The following DICER1 variants were observed in gnomAD, a reference collection of about 807,000 sequenced individuals.
DICER1 encodes endoribonuclease Dicer.
A neutral mutation model predicts 194.1 loss-of-function variants in DICER1; 43 were observed. That is an observed-to-expected ratio of 0.22 (90% CI 0.17 to 0.29). The LOEUF (loss-of-function observed/expected upper bound fraction) is 0.29. Ranked by LOEUF, DICER1 falls within the 10% of genes least tolerant of loss-of-function variation. The pLI is 1.00. For missense variants in DICER1, 1,608 were observed against 2,317.0 expected (o/e 0.69, Z 6.28); for synonymous variants, 832 against 820.5 (o/e 1.01, Z -0.24).
In DICER1 at chr14:95,089,462, C is replaced by T. The variant is rs1462998589; in HGVS notation, c.*1036G>A. On this transcript the variant is annotated 3_prime_UTR_variant, in exon 27 of 27. Transcript: ENST00000343455. The stretch of plus-strand genomic sequence containing the variant: ...AACCAATCAATTATAAAATCTGCAG[C>T]ATATTTTAGGTGTGATATGTCTAAG... The T allele has an allele frequency of 4.3e-6, 1 of 232,386 alleles. No homozygotes were observed. The highest frequency in any genetic ancestry group is 5.6e-5 in the Admixed American group (1 of 17,766). The allele number at this position is 232,386 out of a possible 1,614,324, so 14.4% of individuals were successfully genotyped here. A position where few individuals can be genotyped will look rare whatever the true frequency, so the allele number is the denominator to read the frequency against.
chr14:95,142,844 C>G (rs1595493060), intron 1 of DICER1, among the ~76,000 whole-genome samples: 1 of 152,162 alleles, frequency 6.6e-6, no homozygotes, highest in African/African-American at 2.4e-5. Context: ...AATGCAGTAA[C>G]GAGGCTGTAT....
At chr14:95,115,874 T>C in intron 10 of DICER1, 53 bp from the exon 11 acceptor site, 14 of 1,578,122 alleles carry the variant, frequency 8.9e-6, no homozygotes, top group Middle Eastern at 1.7e-4. Flanking sequence ...CTCTGCTGTA[T>C]GCTGTCTGCC....
In DICER1 at chr14:95,104,250, GAAGC is replaced by G. The variant is rs1168881903; in HGVS notation, c.3270-128_3270-125del. The G allele has an allele frequency of 1.5e-5, 12 of 814,884 alleles. No individual in the cohort carries two copies. In the African/African-American group the frequency reaches 1.7e-4, roughly 12 times the overall value. The allele number at this position is 814,884 out of a possible 1,614,324, so 50.5% of individuals were successfully genotyped here. A position where few individuals can be genotyped will look rare whatever the true frequency, so the allele number is the denominator to read the frequency against. ...AAATGTACTCCTAAACTTTAGAATA[GAAGC>G]AAGTTTCCAAATTTTTAATTTACAG... On this transcript the variant is annotated intron_variant, in intron 20 of 26. Coordinates refer to ENST00000343455, the MANE Select transcript of DICER1 (RefSeq NM_177438.3).
intron 1 of DICER1, among the ~76,000 whole-genome samples, chr14:95,136,265 A>T (rs942786649): frequency 3.3e-5 from 5 of 152,248 alleles, no homozygotes; most frequent in African/African-American, 1.2e-4. Flanking sequence ...GCACAAGGAC[A>T]GGTGATTCTG....
chr14:95,122,287 C>T (rs181252363), intron 8 of DICER1, among the ~76,000 whole-genome samples: 33 of 152,290 alleles, frequency 2.2e-4, no homozygotes, highest in Middle Eastern at 3.4e-3. Context: ...ATGCAGAAAA[C>T]AGGAGGAAGG....
rs755150419 is a variant in DICER1, at chr14:95,113,177, T to G, written c.1955A>C (p.Lys652Thr). Residue 652 changes from lysine to threonine, a missense_variant, in exon 12 of 27, where the codon AAA (lysine) becomes ACA (threonine). By Grantham distance (78) the Lys-to-Thr change is moderately conservative (BLOSUM62 -1). This residue lies in a region of DICER1 where 657 missense variants were observed against 910.1 expected (regional missense o/e 0.72). Transcript: ENST00000343455. ...PSDPFTHLAP[K>T]CRTRELPDGT... ...ATCAGGCAACTCTCGGGTTCTGCAT[T>G]TAGGAGCTAGATGAGTAAACGGATC... is the stretch of plus-strand genomic sequence containing the variant. The G allele has an allele frequency of 8.1e-6, 13 of 1,613,616 alleles. No individual in the cohort carries two copies. The Admixed American group carries it at 2.2e-4, about 27-fold the overall frequency.
chr14:95,110,410 C>T (rs543255987), intron 14 of DICER1, among the ~76,000 whole-genome samples: 3 of 152,292 alleles, frequency 2.0e-5, no homozygotes, highest in East Asian at 3.9e-4. Context: ...AGTGCAGACA[C>T]GCCAGTTCAC....
At chr14:95,157,792 T>C (rs528914120), upstream of DICER1, 1 of 152,486 alleles carries the variant, frequency 6.6e-6, no homozygotes, top group Non-Finnish European at 1.5e-5. Flanking sequence ...CGGCTAAGTT[T>C]GGCAGACTCT....
intron 1 of DICER1, among the ~76,000 whole-genome samples, chr14:95,153,295 G>C (rs1298821341): frequency 6.6e-6 from 1 of 151,880 alleles, no homozygotes; most frequent in East Asian, 1.9e-4. Flanking sequence ...GCTTATTCCT[G>C]AATGGATTGT....
At chr14:95,098,870 A>C (rs1890599616) in intron 22 of DICER1, among the ~76,000 whole-genome samples, 1 of 152,252 alleles carries the variant, frequency 6.6e-6, no homozygotes, top group Non-Finnish European at 1.5e-5. Context: ...AAATAGGTAA[A>C]AATCCAAATA....
At chr14:95,141,266 TAC>T (rs952619696) in intron 1 of DICER1, 1 of 152,240 alleles carries the variant, frequency 6.6e-6, no homozygotes, top group African/African-American at 2.4e-5. Context: ...CAGTTACATC[TAC>T]ACTATACATT....
intron 14 of DICER1, among the ~76,000 whole-genome samples, 182 bp downstream of exon 14, chr14:95,111,135 T>C (rs959572727): frequency 6.6e-6 from 1 of 152,114 alleles, no homozygotes; most frequent in Non-Finnish European, 1.5e-5. Context: ...GCACACATTC[T>C]ACATTAGGAA....
At chr14:95,150,321 T>C (rs1895432665) in intron 1 of DICER1, among the ~76,000 whole-genome samples, 2 of 152,046 alleles carry the variant, frequency 1.3e-5, no homozygotes, top group African/African-American at 4.8e-5. Context: ...CCGTCTCCAC[T>C]TAAAAAATAC....
chr14:95,111,571 C>T (rs1167772317), intron 13 of DICER1, 115 bp from the exon 14 acceptor site: 26 of 1,145,388 alleles, frequency 2.3e-5, no homozygotes, highest in Non-Finnish European at 3.2e-5. Context: ...AACTAAAGCA[C>T]CTTTGCCTTT....
rs374172248 is a variant in DICER1, at chr14:95,105,801, C to A, written c.2988-18G>T. The A allele has an allele frequency of 2.5e-6, 4 of 1,597,750 alleles. No individual in the cohort carries two copies. In the African/African-American group the frequency reaches 4.0e-5, roughly 16 times the overall value. ...GATTAAGTCTGTAAGAATTCCAAAA[C>A]AATTTTATCAAACACACAAAAATGA... is the stretch of plus-strand genomic sequence containing the variant. On this transcript the variant is annotated intron_variant, in intron 18 of 26. Transcript: ENST00000343455. This position sits in a 1 kb window ranked among gnomAD's most constrained non-coding sequence, Gnocchi z 4.9.
intron 6 of DICER1, chr14:95,129,228 G>A: frequency 2.2e-6 from 1 of 450,100 alleles, no homozygotes; most frequent in Non-Finnish European, 4.0e-6. Flanking sequence ...ACAGCAAATA[G>A]GAAGAGCTGA....
intron 13 of DICER1, 25 bp downstream of exon 13, chr14:95,112,147 G>A (rs545004827): frequency 6.3e-6 from 10 of 1,593,670 alleles, no homozygotes; most frequent in Admixed American, 5.0e-5. Context: ...ATTTTCATTC[G>A]TATATGCTTT....
chr14:95,152,407 T>C (rs1895574188), intron 1 of DICER1, among the ~76,000 whole-genome samples: 1 of 152,252 alleles, frequency 6.6e-6, no homozygotes, highest in East Asian at 1.9e-4. Flanking sequence ...AGCTTCTAAA[T>C]ACTTCAAAAA....
At position 95,105,832 on chromosome 14, in the gene DICER1, T is replaced by C. The variant is rs775302492; in HGVS notation, c.2988-49A>G. On this transcript the variant is annotated intron_variant, in intron 18 of 26. Transcript: ENST00000343455. This position sits in a 1 kb window ranked among gnomAD's most constrained non-coding sequence, Gnocchi z 4.9. ...TATCAAACACACAAAAATGAGTACA[T>C]ATTCACAGTGGTTCTCCAAAAACCA... is the stretch of plus-strand genomic sequence containing the variant. 1.3e-6 allele frequency: 2 copies of C among 1,536,134 alleles called. No individual in the cohort carries two copies. Among genetic ancestry groups the C allele is most frequent in the South Asian group, 2.2e-5 (2 of 89,302 alleles).
Sources: gnomAD v4.1 joint callset for allele counts (sites outside exome capture counted in the v4.1 genomes callset) on GRCh38, gnomAD v4.1.1 for gene constraint, gnomAD v4.1.1 regional missense constraint, Gnocchi (gnomAD v3.1) non-coding constraint, MANE v1.5 for transcripts, NCBI Gene and HGNC (gene_info 2026-07-23, HGNC 2026-07-21) for gene names.